Variants in ST8SIA6 observed in about 807,000 individuals in gnomAD.
The protein encoded by ST8SIA6 is ST8 alpha-N-acetyl-neuraminide alpha-2,8-sialyltransferase 6, also known as alpha-2,8-sialyltransferase 8F.
ST8SIA6 carries 39 observed loss-of-function variants against 33.6 expected under a neutral mutation model. That is an observed-to-expected ratio of 1.16 (90% CI 0.90 to 1.52). The LOEUF (loss-of-function observed/expected upper bound fraction) is 1.52. Among genes scored for constraint, ST8SIA6 ranks in the 40% most tolerant of loss-of-function variants. ST8SIA6 has a pLI of 0.00. For missense variants in ST8SIA6, 441 were observed against 443.8 expected (o/e 0.99, Z 0.06); for synonymous variants, 172 against 167.2 (o/e 1.03, Z -0.22).
intron 4 of ST8SIA6, among the ~76,000 whole-genome samples, chr10:17,334,687 G>C (rs937810185): frequency 6.6e-6 from 1 of 151,862 alleles, no homozygotes; most frequent in South Asian, 2.1e-4. Flanking sequence ...TTTTTAAGTG[G>C]GGTGAATTTA....
rs1847838005 is a variant in ST8SIA6 at position 17,318,252 on chromosome 10, G to T, written c.*2626C>A. ...CTTTTTTGAGACAGGGTCTCACTCT[G>T]TCACACAGGCTAGAATGCAGTGGTA... On this transcript the variant is annotated 3_prime_UTR_variant, in exon 8 of 8. Coordinates refer to ENST00000377602, the MANE Select transcript of ST8SIA6 (RefSeq NM_001004470.3). 1 of 156,690 alleles carries T rather than the reference G, an allele frequency of 6.4e-6. No homozygotes were observed. Among genetic ancestry groups the T allele is most frequent in the Non-Finnish European group, 1.4e-5 (1 of 71,050 alleles). 9.7% of individuals were successfully genotyped at this position (156,690 alleles called of 1,614,324 possible). A position where few individuals can be genotyped will look rare whatever the true frequency, so the allele number is the denominator to read the frequency against.
intron 4 of ST8SIA6, among the ~76,000 whole-genome samples, chr10:17,339,129 G>A (rs1324730360): frequency 1.3e-5 from 2 of 149,152 alleles, no homozygotes; most frequent in Admixed American, 6.7e-5. Context: ...TTTTTTCACT[G>A]TAGGTGCTAT....
At chr10:17,444,888 A>G (rs183809135) in intron 2 of ST8SIA6, among the ~76,000 whole-genome samples, 1 of 152,372 alleles carries the variant, frequency 6.6e-6, no homozygotes, top group East Asian at 1.9e-4. Flanking sequence ...AGAATGCAAG[A>G]TTTAAGCCCA....
At chr10:17,419,021 A>G (rs1851695799) in intron 2 of ST8SIA6, among the ~76,000 whole-genome samples, 2 of 149,978 alleles carry the variant, frequency 1.3e-5, no homozygotes, top group East Asian at 3.9e-4. Context: ...AAAAAGAAAA[A>G]TTTAGTCATG....
chr10:17,329,383 C>T (rs543122291), intron 5 of ST8SIA6, among the ~76,000 whole-genome samples: 1 of 151,962 alleles, frequency 6.6e-6, no homozygotes, highest in African/African-American at 2.4e-5. Context: ...TCGTTTCTTA[C>T]AATTCCATGG....
chr10:17,321,343 A>C lies in ST8SIA6; in HGVS notation c.732T>G (p.Tyr244Ter). The change falls in exon 8 of 8, where the codon TAT becomes TAG. Residue 244 changes from tyrosine to a stop codon, truncating the protein, a stop_gained. Coordinates refer to ENST00000377602, the MANE Select transcript of ST8SIA6 (RefSeq NM_001004470.3). LOFTEE classifies it low-confidence loss of function (END_TRUNC). ...TINPSIITLK[Y>*]GNLKEKKALF... is the part of the protein sequence containing the mutation. ...GGGCTTTTTTTTCCTTTAAGTTCCC[A>C]TATCTGCCAAATTAAAAAAAAATTA... The C allele has an allele frequency of 6.3e-7, 1 of 1,583,376 alleles. No individual in the cohort carries two copies. Among genetic ancestry groups the C allele is most frequent in the Non-Finnish European group, 8.5e-7 (1 of 1,171,434 alleles).
chr10:17,316,546 A>G lies in ST8SIA6; in HGVS notation c.*4332T>C, dbSNP rs1208033710. ...TGCAAAAGTGCAATTACTGGACTAT[A>G]GGACAGACATATGATGAATTTTACT... On this transcript the variant is annotated 3_prime_UTR_variant, in exon 8 of 8. Coordinates refer to ENST00000377602, the MANE Select transcript of ST8SIA6 (RefSeq NM_001004470.3). Among the ~76,000 whole-genome samples, 1 of 152,150 alleles carries G rather than the reference A, an allele frequency of 6.6e-6. No individual in the cohort carries two copies. Among genetic ancestry groups the G allele is most frequent in the African/African-American group, 2.4e-5 (1 of 41,468 alleles).
intron 4 of ST8SIA6, among the ~76,000 whole-genome samples, chr10:17,356,608 G>A (rs1251905571): frequency 2.0e-5 from 3 of 151,930 alleles, no homozygotes; most frequent in African/African-American, 7.3e-5. Context: ...GGCCAGTTTC[G>A]AACTCCTGGC....
Position 17,453,217 on chromosome 10 carries a change from G to A in ST8SIA6, c.200+342C>T, listed in dbSNP as rs557266864. ...CAAACCAACCAAATCCCTCCATAAA[G>A]ACAGGCTGAGCTGCTTCTCTCCAAA... On this transcript the variant is annotated intron_variant, in intron 2 of 7. Transcript: ENST00000377602. Among the ~76,000 whole-genome samples, 859 of 141,164 alleles carry A rather than the reference G, an allele frequency of 6.1e-3. 8 individuals are homozygous for A. The highest frequency in any genetic ancestry group is 0.021 in the African/African-American group (809 of 39,020). The allele number at this position is 141,164 out of a possible 152,430, so 92.6% of individuals were successfully genotyped here.
At position 17,323,085 on chromosome 10, in the gene ST8SIA6, A is replaced by G; in HGVS notation, c.708T>C (p.Asn236=). 1 of 1,613,610 alleles carries G rather than the reference A, an allele frequency of 6.2e-7. No individual in the cohort carries two copies. The highest frequency in any genetic ancestry group is 8.5e-7 in the Non-Finnish European group (1 of 1,179,680). The part of the protein sequence containing the change: ...VGSKTNLVTI[N]PSIITLKYGN... ...CTTACTTCAGAGTTATGATGCTTGG[A>G]TTTATAGTCACAAGATTTGTTTTAC... The change falls in exon 7 of 8, where the codon AAT becomes AAC. Residue 236 remains asparagine, a synonymous_variant. Coordinates refer to ENST00000377602, the MANE Select transcript of ST8SIA6 (RefSeq NM_001004470.3).
intron 3 of ST8SIA6, among the ~76,000 whole-genome samples, chr10:17,376,851 C>A (rs1372757116): frequency 6.6e-6 from 1 of 151,938 alleles, no homozygotes; most frequent in Non-Finnish European, 1.5e-5. Flanking sequence ...AGAAAAAAAA[C>A]AGAAAAGTAC....
chr10:17,425,727 G>A (rs1038120495), intron 2 of ST8SIA6, among the ~76,000 whole-genome samples: 4 of 150,922 alleles, frequency 2.7e-5, no homozygotes, highest in Non-Finnish European at 4.4e-5. Context: ...AAGGAAGGAA[G>A]GAGGAAGGAA....
At chr10:17,327,265 C>T in intron 5 of ST8SIA6, 139 bp from the exon 6 acceptor site, 1 of 595,828 alleles carries the variant, frequency 1.7e-6, no homozygotes, top group Non-Finnish European at 2.8e-6. Context: ...GCCCAGTTTG[C>T]TAATCAACTT....
At chr10:17,386,620 T>C (rs962191325) in intron 3 of ST8SIA6, among the ~76,000 whole-genome samples, 1 of 152,172 alleles carries the variant, frequency 6.6e-6, no homozygotes, top group Non-Finnish European at 1.5e-5. Flanking sequence ...AAGGCTCTTG[T>C]ATTGGTTCGA....
intron 2 of ST8SIA6, among the ~76,000 whole-genome samples, chr10:17,446,269 G>A (rs1852703190): frequency 6.6e-6 from 1 of 152,196 alleles, no homozygotes; most frequent in Non-Finnish European, 1.5e-5. Context: ...ATTCTATAAT[G>A]TAGGAGGAGG....
At chr10:17,368,167 G>A (rs1396550942) in intron 3 of ST8SIA6, among the ~76,000 whole-genome samples, 3 of 146,686 alleles carry the variant, frequency 2.0e-5, no homozygotes, top group Admixed American at 7.0e-5. Flanking sequence ...AGGCCAAGGC[G>A]AGTGGATCAC....
chr10:17,427,797 T>A (rs981733820), intron 2 of ST8SIA6, among the ~76,000 whole-genome samples: 3 of 152,238 alleles, frequency 2.0e-5, no homozygotes, highest in South Asian at 2.1e-4. Context: ...CATTGGACAC[T>A]TGCCTGTTGA....
chr10:17,410,674 C>G (rs757856324), intron 2 of ST8SIA6: 1 of 152,086 alleles, frequency 6.6e-6, no homozygotes, highest in African/African-American at 2.4e-5. Flanking sequence ...GATGGTAACT[C>G]ATCCAGGGAA....
chr10:17,422,880 A>G (rs535663009), intron 2 of ST8SIA6, among the ~76,000 whole-genome samples: 1 of 152,258 alleles, frequency 6.6e-6, no homozygotes, highest in Non-Finnish European at 1.5e-5. Flanking sequence ...GCTAAGAGAT[A>G]GAGAAGCGAA....
Sources: gnomAD v4.1 joint callset for allele counts (sites outside exome capture counted in the v4.1 genomes callset) on GRCh38, gnomAD v4.1.1 for gene constraint, MANE v1.5 for transcripts, NCBI Gene and HGNC (gene_info 2026-07-23, HGNC 2026-07-21) for gene names.